ARSH: variants seen among roughly 807,000 people sequenced by gnomAD.
ARSH encodes the protein arylsulfatase family member H.
ARSH carries 32 observed loss-of-function variants against 28.7 expected under a neutral mutation model. That is an observed-to-expected ratio of 1.11 (90% confidence interval 0.84 to 1.50). The LOEUF is 1.50. Among genes scored for constraint, ARSH ranks in the 40% most tolerant of loss-of-function variants. ARSH has a pLI of 0.00. For synonymous variants in ARSH, 176 were observed against 177.3 expected, an observed-to-expected ratio of 0.99 and a Z score of 0.06; for missense variants, 440 against 452.4, an observed-to-expected ratio of 0.97 and a Z score of 0.25.
intron 4 of ARSH, among the ~76,000 whole-genome samples, chrX:3,017,630 G>A (rs2089869627): frequency 8.9e-6 from 1 of 111,824 alleles, no homozygotes. Flanking sequence ...CTCTCTTGGG[G>A]TAGGCAGGCT....
At position 3,015,356 on chromosome X, in the gene ARSH, T is replaced by A. The variant is rs770480975; in HGVS notation, c.727T>A (p.Ser243Thr). ...QQPMKEEKVA[S>T]LMLKEALAFI... is the part of the protein sequence containing the mutation. ...GCCAATGAAAGAGGAGAAAGTAGCT[T>A]CCCTCATGCTGAAGGAGGCACTTGC... Residue 243 changes from serine to threonine, a missense_variant, in exon 4 of 9, where the codon TCC becomes ACC. Physicochemically the swap from Ser to Thr is moderately conservative, Grantham distance 58. Transcript: ENST00000381130. 8.3e-6 allele frequency: 10 copies of A among 1,209,929 alleles called. No individual in the cohort carries two copies. Among genetic ancestry groups the A allele is most frequent in the Non-Finnish European group, 1.1e-6 (1 of 895,216 alleles).
At chrX:3,029,112 C>G (rs1603463603) in intron 7 of ARSH, 135 bp from the exon 8 acceptor site, 3 of 649,519 alleles carry the variant, frequency 4.6e-6, no homozygotes, top group African/African-American at 2.3e-5. Context: ...AATTCTTCCT[C>G]TTTATCTTTC....
chrX:3,020,483 G>A (rs762329348), intron 5 of ARSH, among the ~76,000 whole-genome samples: 116 of 103,878 alleles, frequency 1.1e-3, no homozygotes, highest in African/African-American at 3.9e-3. Context: ...CAGCTACTCC[G>A]GAGGCTGAGG....
intron 5 of ARSH, among the ~76,000 whole-genome samples, chrX:3,020,560 G>A (rs1249493066): frequency 4.8e-5 from 4 of 83,228 alleles, no homozygotes; most frequent in Non-Finnish European, 8.6e-5. Flanking sequence ...CTGCACTCCA[G>A]CCTGGGCGAC....
intron 2 of ARSH, 138 bp from the exon 3 acceptor site, chrX:3,012,909 G>A (rs2089854911): frequency 2.4e-5 from 18 of 738,646 alleles, no homozygotes; most frequent in Middle Eastern, 3.1e-4. Context: ...GGTCAAGGAC[G>A]TACAGCCAGA....
chrX:3,020,998 T>C (rs746572382), intron 5 of ARSH, among the ~76,000 whole-genome samples: 74 of 111,985 alleles, frequency 6.6e-4, no homozygotes, highest in African/African-American at 2.2e-3. Flanking sequence ...ATACACAAGT[T>C]ATGTTTTATA....
In ARSH at chrX:3,011,246, T is replaced by C. The variant is rs756521857; in HGVS notation, c.214+1095T>C. 1.2e-3 allele frequency among the ~76,000 whole-genome samples: 62 copies of C among 53,588 alleles called. 3 individuals carry two copies. The South Asian group carries it at 0.07, about 60-fold the overall frequency. The allele number at this position is 53,588 out of a possible 115,157, so 46.5% of individuals were successfully genotyped here. ...ATTTCAGGATTTTTTCTTTTTTTCT[T>C]TCTTTCTTTTTTTTTTTTTTTGAGA... On this transcript the variant is annotated intron_variant, in intron 2 of 8. Coordinates refer to ENST00000381130, the MANE Select transcript of ARSH (RefSeq NM_001011719.2).
intron 5 of ARSH, among the ~76,000 whole-genome samples, chrX:3,021,646 C>T (rs2089884288): frequency 9.2e-6 from 1 of 109,082 alleles, no homozygotes; most frequent in Non-Finnish European, 1.9e-5. Flanking sequence ...TTCGGGAATT[C>T]AGTAACATTT....
intron 4 of ARSH, among the ~76,000 whole-genome samples, chrX:3,017,997 A>C (rs1185145904): frequency 8.9e-6 from 1 of 112,122 alleles, no homozygotes; most frequent in Non-Finnish European, 1.9e-5. Flanking sequence ...AACTGCGTTA[A>C]ACATTTTTGT....
At chrX:3,030,889 G>T (rs2089912065) in intron 8 of ARSH, among the ~76,000 whole-genome samples, 1 of 110,907 alleles carries the variant, frequency 9.0e-6, no homozygotes, top group South Asian at 3.9e-4. Context: ...GTGGCTCACA[G>T]TTGTAATCTC....
intron 3 of ARSH, 51 bp from the exon 4 acceptor site, chrX:3,014,919 C>T (rs774637109): frequency 6.4e-6 from 7 of 1,098,509 alleles, no homozygotes; most frequent in African/African-American, 1.8e-5. Flanking sequence ...AGAAACAGAC[C>T]GGCATTGAAT....
At chrX:3,032,963 G>C in intron 8 of ARSH, 55 bp from the exon 9 acceptor site, 1 of 1,139,638 alleles carries the variant, frequency 8.8e-7, no homozygotes, top group East Asian at 3.0e-5. Flanking sequence ...TTAACGAAAA[G>C]AGTCCTAAAA....
chrX:3,025,353 T>C (rs1464532782), intron 6 of ARSH, among the ~76,000 whole-genome samples: 3 of 105,561 alleles, frequency 2.8e-5, no homozygotes, highest in Non-Finnish European at 5.8e-5. Context: ...ATTGTATAGA[T>C]CATTATATAT....
chrX:3,009,262 AG>A (rs1174658512), intron 1 of ARSH, among the ~76,000 whole-genome samples: 1 of 110,251 alleles, frequency 9.1e-6, no homozygotes, highest in Non-Finnish European at 1.9e-5. Flanking sequence ...GGATCACTTG[AG>A]GTCAGGAGTT....
intron 6 of ARSH, among the ~76,000 whole-genome samples, chrX:3,026,305 T>TA (rs1304296320): frequency 9.1e-6 from 1 of 109,960 alleles, no homozygotes; most frequent in Admixed American, 9.8e-5. Context: ...GTGTCTTAAT[T>TA]AAAAAAAATA....
chrX:3,030,693 C>T (rs1411125333), intron 8 of ARSH, among the ~76,000 whole-genome samples: 2 of 111,735 alleles, frequency 1.8e-5, no homozygotes, highest in Non-Finnish European at 3.8e-5. Flanking sequence ...AAACTGCCCC[C>T]ATATTCAATT....
chrX:3,012,598 T>TAA (rs58618452), intron 2 of ARSH, among the ~76,000 whole-genome samples: 19 of 19,459 alleles, frequency 9.8e-4, no homozygotes, highest in South Asian at 5.2e-3. Context: ...TATATATATA[T>TAA]AATATATATA....
In ARSH at chrX:3,033,351, A is replaced by T; in HGVS notation, c.1655A>T (p.Asp552Val). The change falls in exon 9 of 9, where the codon GAC becomes GTC. Residue 552 changes from aspartate to valine, a missense_variant. Coordinates refer to ENST00000381130, the MANE Select transcript of ARSH (RefSeq NM_001011719.2). ...GGGACCTTCCCCTTCTGTGGGTGTG[A>T]CAAGGAAGATGACATCCTTCCCATG... ...CCGTFPFCGC[D>V]KEDDILPMAP 1 of 1,206,758 alleles carries T rather than the reference A, an allele frequency of 8.3e-7. No individual in the cohort carries two copies. The highest frequency in any genetic ancestry group is 1.1e-6 in the Non-Finnish European group (1 of 893,054).
chrX:3,021,186 C>T (rs759582288), intron 5 of ARSH, among the ~76,000 whole-genome samples: 43 of 108,878 alleles, frequency 3.9e-4, no homozygotes, highest in Non-Finnish European at 5.3e-4. Context: ...CTTTTGAAAT[C>T]GCTTACTATA....
Sources: allele counts gnomAD v4.1 joint callset (sites outside exome capture counted in the v4.1 genomes callset), GRCh38; gene constraint gnomAD v4.1.1; transcripts MANE v1.5; gene names NCBI Gene and HGNC (gene_info 2026-07-23, HGNC 2026-07-21).